SH2D4B: variants seen among roughly 807,000 people sequenced by gnomAD.
SH2D4B encodes SH2 domain-containing protein 4B.
In SH2D4B, 45 loss-of-function variants were observed where a neutral mutation model predicts 61.5. The ratio of observed to expected loss-of-function variants is 0.73; its 90% CI spans 0.58 to 0.94. The LOEUF (loss-of-function observed/expected upper bound fraction) is 0.94, where lower values mean the gene tolerates loss of function less well. Ranked by LOEUF, SH2D4B falls within the 40% of genes least tolerant of loss-of-function variation. The probability of loss-of-function intolerance (pLI) is 0.00; values close to 1 mark genes in which losing one functional copy is unlikely to be tolerated. For missense variants in SH2D4B, 572 were observed against 574.2 expected, an observed-to-expected ratio of 1.00 and a Z score of 0.04; for synonymous variants, 224 against 220.4, an observed-to-expected ratio of 1.02 and a Z score of -0.14.
intron 6 of SH2D4B, among the ~76,000 whole-genome samples, chr10:80,611,614 A>G (rs537697247): frequency 1.8e-4 from 27 of 152,226 alleles, no homozygotes; most frequent in African/African-American, 6.3e-4. Flanking sequence ...AGACGTTACT[A>G]TGGTCATGGA....
chr10:80,626,922 A>G (rs1396637471), intron 6 of SH2D4B, among the ~76,000 whole-genome samples: 2 of 152,240 alleles, frequency 1.3e-5, no homozygotes, highest in Non-Finnish European at 2.9e-5. Flanking sequence ...CTCTGTGACT[A>G]TTAAGCCCTG....
chr10:80,611,279 A>G (rs1456624133), intron 6 of SH2D4B, among the ~76,000 whole-genome samples: 2 of 151,896 alleles, frequency 1.3e-5, no homozygotes, highest in African/African-American at 4.8e-5. Flanking sequence ...TTTGCAGGAA[A>G]CTGACACGTC....
intron 1 of SH2D4B, among the ~76,000 whole-genome samples, chr10:80,557,763 C>T (rs770640023): frequency 2.6e-5 from 4 of 152,100 alleles, no homozygotes; most frequent in East Asian, 1.9e-4. Flanking sequence ...TTATCAATTT[C>T]GCCAGTGGCT....
chr10:80,567,212 A>G (rs553516984), intron 1 of SH2D4B, among the ~76,000 whole-genome samples: 1 of 152,318 alleles, frequency 6.6e-6, no homozygotes, highest in African/African-American at 2.4e-5. Context: ...TTAGCCTGAA[A>G]ATGGCACAAA....
intron 3 of SH2D4B, among the ~76,000 whole-genome samples, chr10:80,575,125 A>C (rs1479001384): frequency 2.0e-5 from 3 of 151,670 alleles, no homozygotes; most frequent in Non-Finnish European, 2.9e-5. Flanking sequence ...AAATAAAATG[A>C]ATACTCATAT....
At chr10:80,583,061 A>T (rs985372544) in intron 3 of SH2D4B, among the ~76,000 whole-genome samples, 1 of 152,188 alleles carries the variant, frequency 6.6e-6, no homozygotes, top group African/African-American at 2.4e-5. Context: ...GAATATGAAT[A>T]GTCAGGGAAC....
chr10:80,587,141 TTTTTGTTTTG>T (rs1842265712), intron 3 of SH2D4B, among the ~76,000 whole-genome samples: 1 of 53,614 alleles, frequency 1.9e-5, no homozygotes, highest in Non-Finnish European at 3.0e-5. Context: ...TTTTTTTTTT[TTTTTGTTTTG>T]TTTTTTTTTT....
intron 6 of SH2D4B, among the ~76,000 whole-genome samples, chr10:80,630,203 G>A (rs1316329741): frequency 6.6e-6 from 1 of 152,202 alleles, no homozygotes; most frequent in African/African-American, 2.4e-5. Flanking sequence ...AGCAAAGACT[G>A]CCTGCTAGAG....
In SH2D4B at chr10:80,644,150, C is replaced by T. The variant is rs1299582025; in HGVS notation, c.*65C>T. The T allele has an allele frequency of 3.1e-6, 4 of 1,299,818 alleles. No individual in the cohort carries two copies. Among genetic ancestry groups the T allele is most frequent in the East Asian group, 2.4e-5 (1 of 41,648 alleles). 80.5% of individuals were successfully genotyped at this position (1,299,818 alleles called of 1,614,324 possible). A position where few individuals can be genotyped will look rare whatever the true frequency, so the allele number is the denominator to read the frequency against. The stretch of plus-strand genomic sequence containing the variant: ...TTTTGAACTCAGCTTAAGAACTTCT[C>T]ATCTCAAATCCTATGGCCTTCTGGA... On this transcript the variant is annotated 3_prime_UTR_variant, in exon 8 of 8. Coordinates refer to ENST00000646907, the MANE Select transcript of SH2D4B (RefSeq NM_001388272.1).
intron 6 of SH2D4B, among the ~76,000 whole-genome samples, chr10:80,627,448 G>A (rs928876561): frequency 3.3e-5 from 5 of 152,078 alleles, no homozygotes; most frequent in African/African-American, 1.2e-4. Flanking sequence ...AGAGCCACTT[G>A]CTAATGACTT....
intron 6 of SH2D4B, among the ~76,000 whole-genome samples, chr10:80,613,103 A>G (rs1842619750): frequency 6.6e-6 from 1 of 152,184 alleles, no homozygotes; most frequent in African/African-American, 2.4e-5. Flanking sequence ...GGTTTGGGGA[A>G]ATGGGCACAG....
chr10:80,543,606 G>A (rs528997337), intron 1 of SH2D4B, among the ~76,000 whole-genome samples: 4 of 152,234 alleles, frequency 2.6e-5, no homozygotes, highest in East Asian at 1.9e-4. Flanking sequence ...CGGGCGCACC[G>A]CGCGGGACTG....
intron 6 of SH2D4B, among the ~76,000 whole-genome samples, chr10:80,630,891 G>C (rs965539325): frequency 6.6e-6 from 1 of 152,178 alleles, no homozygotes; most frequent in African/African-American, 2.4e-5. Flanking sequence ...AGAGCCTGCT[G>C]TCTGCTGTGC....
At chr10:80,613,107 G>C (rs1842619795) in intron 6 of SH2D4B, among the ~76,000 whole-genome samples, 1 of 152,180 alleles carries the variant, frequency 6.6e-6, no homozygotes, top group Non-Finnish European at 1.5e-5. Flanking sequence ...TGGGGAAATG[G>C]GCACAGAGTG....
intron 1 of SH2D4B, among the ~76,000 whole-genome samples, chr10:80,547,126 A>G (rs141475434): frequency 6.6e-6 from 1 of 152,226 alleles, no homozygotes; most frequent in African/African-American, 2.4e-5. Context: ...TGCTCCCTGT[A>G]TGTTTTCCCT....
chr10:80,547,534 T>C (rs1400627473), intron 1 of SH2D4B, among the ~76,000 whole-genome samples: 1 of 152,070 alleles, frequency 6.6e-6, no homozygotes, highest in African/African-American at 2.4e-5. Flanking sequence ...TCCTGGACAC[T>C]GGGGACAGTG....
intron 4 of SH2D4B, 89 bp downstream of exon 4, chr10:80,588,866 C>A: frequency 6.7e-7 from 1 of 1,482,766 alleles, no homozygotes; most frequent in Non-Finnish European, 9.2e-7. Context: ...TCGTCATTTC[C>A]ATTCGCTCAC....
At chr10:80,565,696 C>G (rs1026010770) in intron 1 of SH2D4B, among the ~76,000 whole-genome samples, 5 of 152,164 alleles carry the variant, frequency 3.3e-5, no homozygotes, top group Admixed American at 3.3e-4. Context: ...TTTGCCTCCC[C>G]ATCCTTAGCA....
chr10:80,599,662 C>T (rs918690928), intron 4 of SH2D4B, among the ~76,000 whole-genome samples: 6 of 152,162 alleles, frequency 3.9e-5, no homozygotes, highest in African/African-American at 1.2e-4. Context: ...GGTTGGCTGC[C>T]GACCTCAGAA....
Sources: gnomAD v4.1 joint callset for allele counts (sites outside exome capture counted in the v4.1 genomes callset) on GRCh38, gnomAD v4.1.1 for gene constraint, MANE v1.5 for transcripts, NCBI Gene and HGNC (gene_info 2026-07-23, HGNC 2026-07-21) for gene names.